Variants in CSMD3 observed in about 807,000 individuals in gnomAD.
CSMD3 encodes CUB and sushi domain-containing protein 3.
CSMD3 carries 177 observed loss-of-function variants against 435.2 expected under a neutral mutation model. The observed-to-expected ratio is 0.41, with a 90% confidence interval of 0.36 to 0.46. The LOEUF (loss-of-function observed/expected upper bound fraction) is 0.46. Ranked by LOEUF, CSMD3 falls within the 20% of genes least tolerant of loss-of-function variation. The probability of loss-of-function intolerance (pLI) is 0.34; values close to 1 mark genes in which losing one functional copy is unlikely to be tolerated. For synonymous variants in CSMD3, 1,656 were observed against 1,520.5 expected (o/e 1.09, Z -2.07); for missense variants, 4,265 against 4,504.6 (o/e 0.95, Z 1.52).
chr8:112,599,441 C>A (rs2131407834), intron 22 of CSMD3, among the ~76,000 whole-genome samples: 1 of 149,120 alleles, frequency 6.7e-6, no homozygotes. Flanking sequence ...CTAGTTCAAC[C>A]ATTGTGGAAG....
At chr8:113,080,102 A>G (rs945612057) in intron 5 of CSMD3, among the ~76,000 whole-genome samples, 2 of 152,064 alleles carry the variant, frequency 1.3e-5, no homozygotes, top group Non-Finnish European at 2.9e-5. Flanking sequence ...GTTTTTATTT[A>G]GCCGTTAACA....
intron 1 of CSMD3, among the ~76,000 whole-genome samples, chr8:113,416,966 G>A (rs1266289329): frequency 6.6e-6 from 1 of 151,970 alleles, no homozygotes; most frequent in Non-Finnish European, 1.5e-5. Flanking sequence ...TGTTTTAATA[G>A]TTGGCTCTTT....
At chr8:112,571,364 CT>C (rs1829499447) in intron 24 of CSMD3, among the ~76,000 whole-genome samples, 1 of 151,918 alleles carries the variant, frequency 6.6e-6, no homozygotes, top group Non-Finnish European at 1.5e-5. Context: ...ATTAAAATAT[CT>C]TTTTAAAAAA....
At chr8:112,462,833 C>G (rs1817586067) in intron 32 of CSMD3, among the ~76,000 whole-genome samples, 1 of 152,188 alleles carries the variant, frequency 6.6e-6, no homozygotes, top group Admixed American at 6.5e-5. Context: ...AGTGCTGCCT[C>G]TTTGCCACCA....
At chr8:113,032,659 T>C (rs1183144795) in intron 5 of CSMD3, among the ~76,000 whole-genome samples, 1 of 151,602 alleles carries the variant, frequency 6.6e-6, no homozygotes, top group African/African-American at 2.4e-5. Flanking sequence ...AGCCTGACCA[T>C]GTGGTAGAAA....
chr8:112,280,149 A>G (rs1048925719), intron 59 of CSMD3, among the ~76,000 whole-genome samples: 2 of 152,186 alleles, frequency 1.3e-5, no homozygotes, highest in African/African-American at 4.8e-5. Flanking sequence ...GGTCAGCAAA[A>G]GTATATATAC....
chr8:112,728,831 T>A (rs2077019077), intron 13 of CSMD3, among the ~76,000 whole-genome samples: 1 of 152,076 alleles, frequency 6.6e-6, no homozygotes, highest in African/African-American at 2.4e-5. Context: ...TCGGCAATTA[T>A]GGACACCATA....
rs143595482 is a variant in CSMD3, at chr8:112,626,290, G to A, written c.3715+10527C>T. 4.9e-4 allele frequency among the ~76,000 whole-genome samples: 75 copies of A among 152,152 alleles called. 2 individuals carry two copies. In the East Asian group the frequency reaches 7.7e-3, roughly 16 times the overall value. ...AAACTCAAGGCCAGTTGGTCCCTCA[G>A]TATAATGCACTGTTACTAATTTATA... is the stretch of plus-strand genomic sequence containing the variant. On this transcript the variant is annotated intron_variant, in intron 22 of 70. Coordinates refer to ENST00000297405, the MANE Select transcript of CSMD3 (RefSeq NM_198123.2).
chr8:112,526,578 T>G (rs184990962), intron 27 of CSMD3, among the ~76,000 whole-genome samples: 4 of 152,192 alleles, frequency 2.6e-5, no homozygotes, highest in Admixed American at 2.6e-4. Context: ...CAATTCCTAG[T>G]ACATTTCTGT....
chr8:112,410,642 A>G (rs1471238711), intron 32 of CSMD3, among the ~76,000 whole-genome samples: 11 of 95,964 alleles, frequency 1.1e-4, no homozygotes, highest in South Asian at 6.5e-4. Context: ...ATATATGTAT[A>G]TATATATGTG....
chr8:112,464,614 A>G lies in CSMD3; in HGVS notation c.5395+7977T>C, dbSNP rs1586412432. Reference sequence around the variant, plus strand: ...GGTTGAAGAAATACAAAATTAAAAGAGAAGGATCCACAATTTGACCCAACT... The same window carrying G: ...GGTTGAAGAAATACAAAATTAAAAGGGAAGGATCCACAATTTGACCCAACT... On this transcript the variant is annotated intron_variant, in intron 32 of 70. Transcript: ENST00000297405. Among the ~76,000 whole-genome samples the G allele has an allele frequency of 2.0e-5, 3 of 152,316 alleles. No homozygotes were observed. The East Asian group carries it at 5.8e-4, about 29-fold the overall frequency.
chr8:113,375,630 G>A (rs915655982), intron 1 of CSMD3, among the ~76,000 whole-genome samples: 2 of 152,076 alleles, frequency 1.3e-5, no homozygotes, highest in African/African-American at 4.8e-5. Flanking sequence ...ATGAAGCTAA[G>A]AGGGACCGTT....
chr8:113,027,683 T>C (rs533904539), intron 5 of CSMD3, among the ~76,000 whole-genome samples: 1 of 152,226 alleles, frequency 6.6e-6, no homozygotes, highest in African/African-American at 2.4e-5. Flanking sequence ...AAGGAGATAA[T>C]TGGCTATAGT....
intron 32 of CSMD3, among the ~76,000 whole-genome samples, chr8:112,424,561 A>G (rs1704075018): frequency 6.6e-6 from 1 of 152,228 alleles, no homozygotes; most frequent in African/African-American, 2.4e-5. Flanking sequence ...GAGACCAAGA[A>G]TAAGATAGGT....
chr8:113,070,055 A>C (rs2089039705), intron 5 of CSMD3, among the ~76,000 whole-genome samples: 1 of 152,154 alleles, frequency 6.6e-6, no homozygotes, highest in Admixed American at 6.6e-5. Flanking sequence ...TGACTGATGC[A>C]TGATGATGGC....
intron 23 of CSMD3, among the ~76,000 whole-genome samples, chr8:112,576,574 T>C (rs1586720085): frequency 6.6e-6 from 1 of 151,928 alleles, no homozygotes. Context: ...CTGTTGCCCA[T>C]GCTGGAGTGC....
chr8:112,795,965 A>T (rs1286835452), intron 13 of CSMD3, among the ~76,000 whole-genome samples: 1 of 145,710 alleles, frequency 6.9e-6, no homozygotes, highest in Non-Finnish European at 1.5e-5. Flanking sequence ...ATATGAAAAT[A>T]AAAAAAAATG....
In CSMD3 at chr8:113,197,895, T is replaced by G. The variant is rs985203306; in HGVS notation, c.515-23979A>C. ...GGTGGACAGAACTAAATGGAGAGAA[T>G]GTTTTATATAAAATGCTTACCATAA... On this transcript the variant is annotated intron_variant, in intron 3 of 70. Transcript: ENST00000297405. Among the ~76,000 whole-genome samples, 3 of 151,422 alleles carry G rather than the reference T, an allele frequency of 2.0e-5. No homozygotes were observed. In the Admixed American group the frequency reaches 2.0e-4, roughly 10 times the overall value.
chr8:112,613,870 C>T (rs967276051), intron 22 of CSMD3, among the ~76,000 whole-genome samples: 3 of 152,096 alleles, frequency 2.0e-5, no homozygotes, highest in Non-Finnish European at 4.4e-5. Context: ...TGACTGTAAT[C>T]CCAGCACTTT....
Sources: allele counts gnomAD v4.1 joint callset (sites outside exome capture counted in the v4.1 genomes callset), GRCh38; gene constraint gnomAD v4.1.1; transcripts MANE v1.5; gene names NCBI Gene and HGNC (gene_info 2026-07-23, HGNC 2026-07-21).